Variants in REG1B observed in about 807,000 individuals in gnomAD.
REG1B encodes the protein regenerating family member 1 beta, also known as lithostathine-1-beta.
In REG1B, 21 loss-of-function variants were observed where a neutral mutation model predicts 20.4. The ratio of observed to expected loss-of-function variants is 1.03; its 90% confidence interval spans 0.73 to 1.48. REG1B has a LOEUF of 1.48. REG1B is among the 40% of genes most tolerant of loss of function. REG1B has a pLI of 0.00. For synonymous variants in REG1B, 82 were observed against 73.4 expected (o/e 1.12, Z -0.60); for missense variants, 247 against 197.2 (o/e 1.25, Z -1.51).
chr2:79,087,153 C>T (rs1391404112), intron 2 of REG1B: 12 of 556,518 alleles, frequency 2.2e-5, no homozygotes, highest in Middle Eastern at 4.8e-4. Flanking sequence ...AATGAGTCCT[C>T]GTTTTCCTTT....
rs1558714933 is a variant in REG1B, at chr2:79,085,157, A to C, written c.*59T>G. The C allele has an allele frequency of 2.4e-6, 3 of 1,249,850 alleles. No homozygotes were observed. In the East Asian group the frequency reaches 6.9e-5, roughly 29 times the overall value. 77.4% of individuals were successfully genotyped at this position (1,249,850 alleles called of 1,614,324 possible). On this transcript the variant is annotated 3_prime_UTR_variant, in exon 6 of 6. Transcript: ENST00000305089. ...CTGAGTTGGAGACATAGTCTAGTTT[A>C]ATTTTTGACTTCATAGTAATTGCAG...
chr2:79,087,585 G>A lies in REG1B; in HGVS notation c.28C>T (p.Leu10=), dbSNP rs1161748071. Residue 10 remains leucine (L), a synonymous_variant, in exon 2 of 6, where the codon CTG becomes TTG. Coordinates refer to ENST00000305089, the MANE Select transcript of REG1B (RefSeq NM_006507.4). Reference sequence around the variant, plus strand: ...GACAGGAACATCAGGGAGGAGATCAGCATGAAGAACGAGTTGGTCTGAGCC... The same window carrying A: ...GACAGGAACATCAGGGAGGAGATCAACATGAAGAACGAGTTGGTCTGAGCC... The part of the protein sequence containing the change: MAQTNSFFM[L]ISSLMFLSLS... 1.2e-6 allele frequency: 2 copies of A among 1,613,688 alleles called. No individual in the cohort carries two copies. Among genetic ancestry groups the A allele is most frequent in the Non-Finnish European group, 1.7e-6 (2 of 1,179,814 alleles).
At position 79,086,465 on chromosome 2, in the gene REG1B, C is replaced by G; in HGVS notation, c.223G>C (p.Val75Leu). 1.2e-6 allele frequency: 2 copies of G among 1,614,046 alleles called. No homozygotes were observed. The highest frequency in any genetic ancestry group is 1.3e-5 in the African/African-American group (1 of 75,032). ...AAGGCACCCTCCGCCTGGGTGAGCA[C>G]AGACACCAGGTTGCCTGAATTCATG... ...QNMNSGNLVS[V>L]LTQAEGAFVA... is the part of the protein sequence containing the mutation. Residue 75 changes from valine to leucine, a missense_variant, in exon 4 of 6, where the codon GTG becomes CTG. Val to Leu is a conservative substitution (Grantham distance 32). Coordinates refer to ENST00000305089, the MANE Select transcript of REG1B (RefSeq NM_006507.4).
rs1672385926 is a variant in REG1B at position 79,085,556 on chromosome 2, G to A, written c.369C>T (p.Ser123=). Residue 123 remains serine (S), a synonymous_variant, in exon 5 of 6, where the codon TCC becomes TCT. Coordinates refer to ENST00000305089, the MANE Select transcript of REG1B (RefSeq NM_006507.4). ...WSSGSLVSYK[S]WDTGSPSSAN... is the part of the protein sequence containing the mutation. The stretch of plus-strand genomic sequence containing the variant: ...CACTGCTCGGGGATCCAGTGTCCCA[G>A]GACTTGTAGGAGACCAGGGACCCAC... 6.2e-7 allele frequency: 1 copy of A among 1,613,630 alleles called. No homozygotes were observed. Among genetic ancestry groups the A allele is most frequent in the Non-Finnish European group, 8.5e-7 (1 of 1,179,864 alleles).
chr2:79,087,556 C>T lies in REG1B; in HGVS notation c.57G>A (p.Leu19=). Reference sequence around the variant, plus strand: ...TGTGGGGGAAAATCTCACCTTGGCTCAGAGACAGGAACATCAGGGAGGAGA... The same window carrying T: ...TGTGGGGGAAAATCTCACCTTGGCTTAGAGACAGGAACATCAGGGAGGAGA... The part of the protein sequence containing the change: ...MLISSLMFLS[L]SQGQESQTEL... The change falls in exon 2 of 6, where the codon CTG becomes CTA. Residue 19 remains leucine (L), a synonymous_variant. Coordinates refer to ENST00000305089, the MANE Select transcript of REG1B (RefSeq NM_006507.4). 3.7e-6 allele frequency: 6 copies of T among 1,613,610 alleles called. No homozygotes were observed. The highest frequency in any genetic ancestry group is 1.3e-5 in the African/African-American group (1 of 74,990).
chr2:79,085,263 C>T lies in REG1B; in HGVS notation c.454G>A (p.Glu152Lys). 2.5e-6 allele frequency: 4 copies of T among 1,613,066 alleles called. No individual in the cohort carries two copies. Among genetic ancestry groups the T allele is most frequent in the Non-Finnish European group, 3.4e-6 (4 of 1,179,092 alleles). ...AAGGAGAACTTCTTCTCACAAGATT[C>T]ATCCTTCCATTTCTTGAATCCTATG... Reference protein sequence around the residue: ...SCSGFKKWKDESCEKKFSFVC... With the variant: ...SCSGFKKWKDKSCEKKFSFVC... The change falls in exon 6 of 6, where the codon GAA becomes AAA. Residue 152 changes from glutamate to lysine, a missense_variant. Glu to Lys is a moderately conservative substitution (Grantham distance 56). Transcript: ENST00000305089.
chr2:79,087,073 C>A, intron 2 of REG1B, 143 bp from the exon 3 acceptor site: 1 of 671,144 alleles, frequency 1.5e-6, no homozygotes, highest in East Asian at 2.6e-5. Flanking sequence ...TTCTGCCCTC[C>A]TGCATCCTAT....
At chr2:79,085,406 C>G in intron 5 of REG1B, 86 bp downstream of exon 5, 3 of 1,375,356 alleles carry the variant, frequency 2.2e-6, no homozygotes, top group Non-Finnish European at 3.1e-6. Context: ...AGGAGCTTAC[C>G]TTTCCTCTAT....
chr2:79,087,187 C>T (rs1448474227), intron 2 of REG1B: 1 of 536,420 alleles, frequency 1.9e-6, no homozygotes, highest in Middle Eastern at 5.0e-4. Context: ...AGGCTTCTGC[C>T]TTTAAAGACC....
Position 79,087,403 on chromosome 2 carries a change from A to G in REG1B, c.64+146T>C, listed in dbSNP as rs1573186128. The stretch of plus-strand genomic sequence containing the variant: ...ATGAATGAGGTGAGGGTGTTTTTGA[A>G]TGGGATAAAATCAGCCATAATGATC... On this transcript the variant is annotated intron_variant, in intron 2 of 5. Transcript: ENST00000305089. 9 of 754,620 alleles carry G rather than the reference A, an allele frequency of 1.2e-5. No homozygotes were observed. The East Asian group carries it at 1.9e-4, about 16-fold the overall frequency. The allele number at this position is 754,620 out of a possible 1,614,324, so 46.7% of individuals were successfully genotyped here. A position where few individuals can be genotyped will look rare whatever the true frequency, so the allele number is the denominator to read the frequency against.
At chr2:79,086,969 C>A (rs1343887247) in intron 2 of REG1B, 39 bp from the exon 3 acceptor site, 1 of 1,533,140 alleles carries the variant, frequency 6.5e-7, no homozygotes, top group Middle Eastern at 1.7e-4. Context: ...GAAAGAATCG[C>A]AGGGCAAGGA....
rs748430061 is a variant in REG1B, at chr2:79,086,506, T to G, written c.184-2A>C. 1.2e-6 allele frequency: 2 copies of G among 1,613,200 alleles called. No individual in the cohort carries two copies. The highest frequency in any genetic ancestry group is 1.3e-5 in the African/African-American group (1 of 74,874). Reference sequence around the variant, plus strand: ...TGAATTCATGTTCTGGCAATAGAGCTGTTGGAGAAGAAAATGGAGCACTCA... The same window carrying G: ...TGAATTCATGTTCTGGCAATAGAGCGGTTGGAGAAGAAAATGGAGCACTCA... On this transcript the variant is annotated splice_acceptor_variant, in intron 3 of 5. Transcript: ENST00000305089. LOFTEE classifies it high-confidence loss of function.
At chr2:79,087,889 T>A in intron 1 of REG1B, 70 bp downstream of exon 1, 2 of 353,008 alleles carry the variant, frequency 5.7e-6, no homozygotes, top group South Asian at 6.9e-5. Context: ...AAAATCACCC[T>A]GTATCTACCT....
Position 79,086,421 on chromosome 2 carries a change from CT to C in REG1B, c.266del (p.Lys89ArgfsTer52). ...AEGAFVASLI[K>X]ESSTDDSNVW... ...CATTGCTGTCATCAGTGCTACTCTC[CT>C]TAATCAGTGAGGCCACGAAGGCACC... On this transcript the variant is annotated frameshift_variant, in exon 4 of 6. Coordinates refer to ENST00000305089, the MANE Select transcript of REG1B (RefSeq NM_006507.4). LOFTEE classifies it high-confidence loss of function. The C allele has an allele frequency of 6.2e-7, 1 of 1,614,094 alleles. No individual in the cohort carries two copies.
intron 2 of REG1B, 48 bp from the exon 3 acceptor site, chr2:79,086,978 G>A: frequency 6.7e-7 from 1 of 1,482,318 alleles, no homozygotes; most frequent in South Asian, 1.1e-5. Flanking sequence ...GCAGGGCAAG[G>A]AAAAGGCTGG....
chr2:79,086,186 G>T, intron 4 of REG1B, 181 bp downstream of exon 4: 1 of 628,814 alleles, frequency 1.6e-6, no homozygotes, highest in Non-Finnish European at 2.7e-6. Flanking sequence ...TCAGCCTTCA[G>T]CTCATGTCTC....
chr2:79,085,339 C>T, intron 5 of REG1B, 56 bp from the exon 6 acceptor site: 2 of 1,444,758 alleles, frequency 1.4e-6, no homozygotes, highest in Non-Finnish European at 1.9e-6. Flanking sequence ...GTAGCCCCTC[C>T]TCAACCTAGG....
chr2:79,087,407 G>T (rs1672415850), intron 2 of REG1B, 142 bp downstream of exon 2: 2 of 782,022 alleles, frequency 2.6e-6, no homozygotes, highest in African/African-American at 1.8e-5. Flanking sequence ...TTTTGAATGG[G>T]ATAAAATCAG....
chr2:79,086,697 T>C, intron 3 of REG1B, 115 bp downstream of exon 3: 1 of 1,305,926 alleles, frequency 7.7e-7, no homozygotes, highest in Admixed American at 1.7e-5. Flanking sequence ...TTGGGACCAG[T>C]GGTGGAATAG....
Sources: allele counts gnomAD v4.1 joint callset, GRCh38; gene constraint gnomAD v4.1.1; transcripts MANE v1.5; gene names NCBI Gene and HGNC (gene_info 2026-07-23, HGNC 2026-07-21).